PGPEP1L: variants seen among roughly 807,000 people sequenced by gnomAD.
PGPEP1L encodes the protein pyroglutamyl-peptidase I like.
A neutral mutation model predicts 6.0 loss-of-function variants in PGPEP1L; 7 were observed. That is an observed-to-expected ratio of 1.17 (90% CI 0.66 to 2.19). The LOEUF is 2.19. Ranked by LOEUF, PGPEP1L falls within the 30% of genes most tolerant of loss-of-function variation. The pLI is 0.00. For missense variants in PGPEP1L, 209 were observed against 192.5 expected (o/e 1.09, Z -0.51); for synonymous variants, 103 against 83.9 (o/e 1.23, Z -1.24).
intron 2 of PGPEP1L, among the ~76,000 whole-genome samples, chr15:99,000,079 T>G (rs1273939809): frequency 1.3e-5 from 2 of 152,212 alleles, no homozygotes; most frequent in Non-Finnish European, 2.9e-5. Flanking sequence ...CGGGGCTGCG[T>G]GCAGTGCTTG....
chr15:98,971,044 G>T lies in PGPEP1L; in HGVS notation c.-27C>A. On this transcript the variant is annotated 5_prime_UTR_variant, in exon 3 of 5. Transcript: ENST00000535714. The stretch of plus-strand genomic sequence containing the variant: ...CTCTGGCCATCACTTACTTGCGGCT[G>T]ATGATCTTCCCAGATTCCGGTGACC... 9 of 1,613,762 alleles carry T rather than the reference G, an allele frequency of 5.6e-6. No homozygotes were observed. The highest frequency in any genetic ancestry group is 7.6e-6 in the Non-Finnish European group (9 of 1,179,788).
In PGPEP1L at chr15:98,995,274, T is replaced by A. The variant is rs562591091; in HGVS notation, c.-142+10155A>T. Among the ~76,000 whole-genome samples the A allele has an allele frequency of 1.4e-3, 212 of 152,378 alleles. 1 individual carries two copies. The South Asian group carries it at 0.021, about 15-fold the overall frequency. ...TTGAGTAGTATCTTCAGATCTGTCT[T>A]CTAGTTCACTAATTTTCTCTTCATT... On this transcript the variant is annotated intron_variant, in intron 2 of 4. Transcript: ENST00000535714.
intron 2 of PGPEP1L, among the ~76,000 whole-genome samples, chr15:99,000,925 C>A (rs1002628301): frequency 6.6e-6 from 1 of 152,128 alleles, no homozygotes; most frequent in Admixed American, 6.6e-5. Flanking sequence ...TTCTTTGGGT[C>A]CACACTGCCT....
At chr15:98,989,120 G>A (rs1249571348) in intron 2 of PGPEP1L, among the ~76,000 whole-genome samples, 1 of 152,170 alleles carries the variant, frequency 6.6e-6, no homozygotes, top group African/African-American at 2.4e-5. Flanking sequence ...AACAAAACTG[G>A]ATGGAGAATG....
At chr15:98,970,934 G>A in intron 3 of PGPEP1L, 102 bp downstream of exon 3, 1 of 1,518,958 alleles carries the variant, frequency 6.6e-7, no homozygotes, top group Non-Finnish European at 8.9e-7. Context: ...CTGGGGACGG[G>A]GTGCCCCTCA....
At chr15:99,003,855 A>G (rs1318092588) in intron 2 of PGPEP1L, among the ~76,000 whole-genome samples, 1 of 147,698 alleles carries the variant, frequency 6.8e-6, no homozygotes, top group Non-Finnish European at 1.5e-5. Flanking sequence ...CAAGCATTGC[A>G]TGCATTAGAG....
intron 2 of PGPEP1L, among the ~76,000 whole-genome samples, chr15:99,004,648 G>A (rs1216491040): frequency 2.6e-5 from 4 of 152,084 alleles, no homozygotes; most frequent in African/African-American, 7.2e-5. Context: ...AACCCAGGAG[G>A]CGGAGGCTGC....
intron 2 of PGPEP1L, among the ~76,000 whole-genome samples, chr15:98,976,656 A>G (rs1407539055): frequency 6.6e-6 from 1 of 152,120 alleles, no homozygotes; most frequent in African/African-American, 2.4e-5. Flanking sequence ...AGAGGCAAGG[A>G]GGGGCAGTGG....
chr15:98,986,727 G>A (rs2017752031), intron 2 of PGPEP1L, among the ~76,000 whole-genome samples: 1 of 152,210 alleles, frequency 6.6e-6, no homozygotes, highest in African/African-American at 2.4e-5. Flanking sequence ...TTTGCTCTTA[G>A]CCTACGGGGT....
Position 98,968,354 on chromosome 15 carries a change from C to G in PGPEP1L, c.*124G>C, listed in dbSNP as rs1483819016. 6.4e-6 allele frequency: 6 copies of G among 936,398 alleles called. No homozygotes were observed. The highest frequency in any genetic ancestry group is 1.7e-5 in the African/African-American group (1 of 60,586). 58.0% of individuals were successfully genotyped at this position (936,398 alleles called of 1,614,324 possible). ...AATAACCCTTTGTGATTTTGTTGGG[C>G]TAATTCAGAGTTTTCCACCCTCTTT... On this transcript the variant is annotated 3_prime_UTR_variant, in exon 5 of 5. Coordinates refer to ENST00000535714, the MANE Select transcript of PGPEP1L (RefSeq NM_001167902.2).
chr15:98,990,557 G>C (rs2017805824), intron 2 of PGPEP1L, among the ~76,000 whole-genome samples: 1 of 152,182 alleles, frequency 6.6e-6, no homozygotes, highest in South Asian at 2.1e-4. Context: ...AGATCAATGA[G>C]ACAGAAAATT....
intron 1 of PGPEP1L, among the ~76,000 whole-genome samples, chr15:99,006,770 C>G (rs1376259155): frequency 6.6e-6 from 1 of 150,764 alleles, no homozygotes; most frequent in Non-Finnish European, 1.5e-5. Context: ...TGCACTCCAC[C>G]CTGGGTGACA....
At chr15:98,984,885 G>A (rs969321342) in intron 2 of PGPEP1L, among the ~76,000 whole-genome samples, 1 of 152,122 alleles carries the variant, frequency 6.6e-6, no homozygotes, top group Non-Finnish European at 1.5e-5. Flanking sequence ...GGACGGTGGA[G>A]AAGACAAACT....
At chr15:98,976,851 G>T (rs2017577371) in intron 2 of PGPEP1L, among the ~76,000 whole-genome samples, 1 of 152,106 alleles carries the variant, frequency 6.6e-6, no homozygotes, top group South Asian at 2.1e-4. Context: ...TTATTTCACT[G>T]AATTATCACA....
intron 2 of PGPEP1L, among the ~76,000 whole-genome samples, chr15:98,980,229 A>C (rs2017638396): frequency 6.6e-6 from 1 of 152,212 alleles, no homozygotes; most frequent in Non-Finnish European, 1.5e-5. Context: ...CTAACTTTTA[A>C]TACAGCTAAA....
chr15:99,000,617 G>C (rs1018321036), intron 2 of PGPEP1L, among the ~76,000 whole-genome samples: 4 of 152,292 alleles, frequency 2.6e-5, no homozygotes, highest in Non-Finnish European at 5.9e-5. Flanking sequence ...TCGACGCTCT[G>C]TATCTAGCTA....
chr15:98,988,439 A>G (rs1324777734), intron 2 of PGPEP1L, among the ~76,000 whole-genome samples: 1 of 152,184 alleles, frequency 6.6e-6, no homozygotes, highest in African/African-American at 2.4e-5. Flanking sequence ...CTGCCTCTCT[A>G]GATCCCTCCT....
At chr15:98,987,179 AAAAAAAAAAAAAAAAAG>A (rs2017758945) in intron 2 of PGPEP1L, among the ~76,000 whole-genome samples, 1 of 148,206 alleles carries the variant, frequency 6.7e-6, no homozygotes, top group Non-Finnish European at 1.5e-5. Context: ...AAAAAAAAAA[AAAAAAAAAAAAAAAAAG>A]AGAGCCAATT....
At chr15:99,000,465 CCT>C (rs2017949533) in intron 2 of PGPEP1L, among the ~76,000 whole-genome samples, 1 of 152,204 alleles carries the variant, frequency 6.6e-6, no homozygotes, top group African/African-American at 2.4e-5. Context: ...CAGCTGGGCT[CCT>C]GAGTCTGGTG....
Sources: allele counts gnomAD v4.1 joint callset (sites outside exome capture counted in the v4.1 genomes callset), GRCh38; gene constraint gnomAD v4.1.1; transcripts MANE v1.5; gene names NCBI Gene and HGNC (gene_info 2026-07-23, HGNC 2026-07-21).